The following FOXP4 variants were observed in gnomAD, a reference collection of about 807,000 sequenced individuals.
FOXP4 encodes the protein forkhead box protein P4.
Under a neutral mutation model 82.6 loss-of-function variants are expected in FOXP4, and 25 were observed. That is an observed-to-expected ratio of 0.30 (90% confidence interval 0.22 to 0.42). FOXP4 has a LOEUF of 0.42. Among genes scored for constraint, FOXP4 ranks in the 10% least tolerant of loss-of-function variants. FOXP4 has a pLI of 1.00. For missense variants in FOXP4, 785 were observed against 900.9 expected (o/e 0.87, Z 1.65); for synonymous variants, 415 against 388.2 (o/e 1.07, Z -0.81).
chr6:41,547,255 C>T (rs1763688311), intron 1 of FOXP4, among the ~76,000 whole-genome samples: 1 of 152,080 alleles, frequency 6.6e-6, no homozygotes, highest in Non-Finnish European at 1.5e-5. Flanking sequence ...GGCCCCGCCC[C>T]CTCCCCGCCG....
rs918983938 is a variant in FOXP4, at chr6:41,593,665, C to T, written c.1537-1205C>T. Reference sequence around the variant, plus strand: ...GGCAGGAGCCCCGGCGTGATTAGGCCCTTTGTAATTATCGCTCCAAGAGAT... The same window carrying T: ...GGCAGGAGCCCCGGCGTGATTAGGCTCTTTGTAATTATCGCTCCAAGAGAT... On this transcript the variant is annotated intron_variant, in intron 13 of 16. Transcript: ENST00000307972. The surrounding 1 kb of genome is among the most constrained non-coding windows in gnomAD (Gnocchi z 4.1). Among the ~76,000 whole-genome samples the T allele has an allele frequency of 6.6e-6, 1 of 152,156 alleles. No homozygotes were observed.
intron 1 of FOXP4, among the ~76,000 whole-genome samples, chr6:41,560,421 A>G (rs1764501925): frequency 6.6e-6 from 1 of 152,200 alleles, no homozygotes. Flanking sequence ...TGGAAACGAT[A>G]TCTTATTTAA....
intron 1 of FOXP4, among the ~76,000 whole-genome samples, chr6:41,555,227 C>T (rs964358147): frequency 2.6e-5 from 4 of 151,816 alleles, no homozygotes; most frequent in Admixed American, 1.3e-4. Flanking sequence ...CCAGTCTGAG[C>T]GACACAGAGT....
At chr6:41,597,473 T>C (rs570994755) in intron 15 of FOXP4, among the ~76,000 whole-genome samples, 1 of 152,174 alleles carries the variant, frequency 6.6e-6, no homozygotes, top group Non-Finnish European at 1.5e-5. Flanking sequence ...ATGGCATACC[T>C]ATAGCATCCC....
chr6:41,590,616 G>A (rs562135068), intron 12 of FOXP4, among the ~76,000 whole-genome samples: 2 of 152,054 alleles, frequency 1.3e-5, no homozygotes, highest in South Asian at 2.1e-4. Context: ...TCATTTCCAC[G>A]TACACAGCCC....
rs549902067 is a variant in FOXP4, at chr6:41,556,531, A to G, written c.-16-9214A>G. Among the ~76,000 whole-genome samples, 139 of 152,164 alleles carry G rather than the reference A, an allele frequency of 9.1e-4. 1 individual carries two copies. The highest frequency in any genetic ancestry group is 7.9e-3 in the Admixed American group (121 of 15,292). ...AGTAGAGATAGGGTTTCACCATGTT[A>G]GCCAGGATGGTCTCGATCTCCTGAC... On this transcript the variant is annotated intron_variant, in intron 1 of 16. Coordinates refer to ENST00000307972, the MANE Select transcript of FOXP4 (RefSeq NM_001012426.2).
rs928421619 is a variant in FOXP4 at position 41,593,222 on chromosome 6, C to T, written c.1537-1648C>T. Among the ~76,000 whole-genome samples the T allele has an allele frequency of 7.9e-5, 12 of 152,218 alleles. No homozygotes were observed. Among genetic ancestry groups the T allele is most frequent in the African/African-American group, 2.7e-4 (11 of 41,448 alleles). On this transcript the variant is annotated intron_variant, in intron 13 of 16. Transcript: ENST00000307972. This position sits in a 1 kb window ranked among gnomAD's most constrained non-coding sequence, Gnocchi z 4.1. ...CCCCTCAGGTCATCTCTGCTCCTCT[C>T]CCGAATTATTTGTGCTTTCTTCTTT...
At chr6:41,572,553 C>G (rs1185079043) in intron 2 of FOXP4, among the ~76,000 whole-genome samples, 1 of 152,212 alleles carries the variant, frequency 6.6e-6, no homozygotes, top group Non-Finnish European at 1.5e-5. Context: ...TTTTCTGGCT[C>G]AGAATGGGGC....
intron 1 of FOXP4, among the ~76,000 whole-genome samples, chr6:41,551,405 C>G (rs1468354077): frequency 6.6e-6 from 1 of 152,152 alleles, no homozygotes; most frequent in Non-Finnish European, 1.5e-5. Flanking sequence ...TGGCACAGCC[C>G]TGCACCTTCC....
At chr6:41,564,865 G>A (rs923676858) in intron 1 of FOXP4, among the ~76,000 whole-genome samples, 6 of 152,222 alleles carry the variant, frequency 3.9e-5, no homozygotes, top group African/African-American at 7.2e-5. Flanking sequence ...CTGGCTCCCA[G>A]TAGGTGCTGG....
At chr6:41,580,893 C>CCT (rs1765761873) in intron 3 of FOXP4, among the ~76,000 whole-genome samples, 1 of 152,232 alleles carries the variant, frequency 6.6e-6, no homozygotes. Flanking sequence ...GTTCACCATC[C>CCT]CTCTCCTCCA....
rs904944875 is a variant in FOXP4 at position 41,586,955 on chromosome 6, A to G, written c.511-54A>G. Reference sequence around the variant, plus strand: ...GGCCGCGGGGTGGGGGCCAGATGGCATGCCTGAAGCTGATGGCACCCCTCT... The same window carrying G: ...GGCCGCGGGGTGGGGGCCAGATGGCGTGCCTGAAGCTGATGGCACCCCTCT... On this transcript the variant is annotated intron_variant, in intron 5 of 16. Coordinates refer to ENST00000307972, the MANE Select transcript of FOXP4 (RefSeq NM_001012426.2). 3.0e-5 allele frequency: 46 copies of G among 1,522,438 alleles called. No individual in the cohort carries two copies. In the African/African-American group the frequency reaches 6.3e-4, roughly 21 times the overall value. The allele number at this position is 1,522,438 out of a possible 1,614,324, so 94.3% of individuals were successfully genotyped here. A position where few individuals can be genotyped will look rare whatever the true frequency, so the allele number is the denominator to read the frequency against.
chr6:41,552,726 A>G (rs1581697562), intron 1 of FOXP4, among the ~76,000 whole-genome samples: 1 of 152,074 alleles, frequency 6.6e-6, no homozygotes, highest in Admixed American at 6.5e-5. Context: ...GCAGCTGGGG[A>G]TCCGGAAACA....
chr6:41,569,166 A>G (rs1328683274), intron 2 of FOXP4, among the ~76,000 whole-genome samples: 6 of 152,174 alleles, frequency 3.9e-5, no homozygotes, highest in Non-Finnish European at 5.9e-5. Context: ...CCTATGGGGA[A>G]TCTGTCTACC....
intron 1 of FOXP4, among the ~76,000 whole-genome samples, chr6:41,549,414 G>A (rs1763869582): frequency 6.6e-6 from 1 of 152,002 alleles, no homozygotes; most frequent in Admixed American, 6.5e-5. Flanking sequence ...ACACCTAGAC[G>A]CCCCCAGCCC....
chr6:41,582,403 G>A (rs982222382), intron 3 of FOXP4, among the ~76,000 whole-genome samples: 4 of 152,246 alleles, frequency 2.6e-5, no homozygotes, highest in Non-Finnish European at 4.4e-5. Context: ...GATGCAGGGA[G>A]GGCAGGTGCC....
intron 15 of FOXP4, 65 bp downstream of exon 15, chr6:41,597,307 A>T (rs1479178661): frequency 6.5e-7 from 1 of 1,530,306 alleles, no homozygotes; most frequent in Non-Finnish European, 9.0e-7. Flanking sequence ...CATACAAGAG[A>T]CCCCCATCCT....
At chr6:41,549,725 A>G (rs1258276833) in intron 1 of FOXP4, among the ~76,000 whole-genome samples, 1 of 116,218 alleles carries the variant, frequency 8.6e-6, no homozygotes, top group Non-Finnish European at 1.7e-5. Context: ...GACAGATATC[A>G]CATGGTGGGG....
chr6:41,565,423 C>T (rs1398594842), intron 1 of FOXP4, among the ~76,000 whole-genome samples: 1 of 152,160 alleles, frequency 6.6e-6, no homozygotes, highest in Admixed American at 6.5e-5. Flanking sequence ...TTATTATAAA[C>T]AGTGCAAAAC....
Sources: allele counts gnomAD v4.1 joint callset (sites outside exome capture counted in the v4.1 genomes callset), GRCh38; gene constraint gnomAD v4.1.1; non-coding constraint Gnocchi (gnomAD v3.1); transcripts MANE v1.5; gene names NCBI Gene and HGNC (gene_info 2026-07-23, HGNC 2026-07-21).